TAFA2: variants seen among roughly 807,000 people sequenced by gnomAD.
The protein encoded by TAFA2 is chemokine-like protein TAFA-2.
Under a neutral mutation model 18.8 loss-of-function variants are expected in TAFA2, and 7 were observed. That is an observed-to-expected ratio of 0.37 (90% CI 0.21 to 0.70). The LOEUF is 0.70. TAFA2 is among the 30% of genes least tolerant of loss of function. The pLI, the probability that TAFA2 is intolerant of heterozygous loss-of-function variation, is 0.53. For missense variants in TAFA2, 122 were observed against 158.1 expected, an observed-to-expected ratio of 0.77 and a Z score of 1.23; for synonymous variants, 60 against 54.2, an observed-to-expected ratio of 1.11 and a Z score of -0.47.
intron 1 of TAFA2, among the ~76,000 whole-genome samples, chr12:62,054,636 T>G (rs1045453055): frequency 1.3e-5 from 2 of 152,242 alleles, no homozygotes; most frequent in Admixed American, 1.3e-4. Flanking sequence ...AGTTCATACT[T>G]AATGCTTTGT....
chr12:62,002,466 C>T (rs892500583), intron 1 of TAFA2, among the ~76,000 whole-genome samples: 7 of 152,138 alleles, frequency 4.6e-5, no homozygotes, highest in Non-Finnish European at 1.0e-4. Context: ...CTCTTTGCTT[C>T]TCAAGATAGC....
chr12:61,904,725 G>A (rs779147465), intron 1 of TAFA2, among the ~76,000 whole-genome samples: 14 of 152,102 alleles, frequency 9.2e-5, no homozygotes, highest in Non-Finnish European at 1.5e-4. Flanking sequence ...ATACATATGA[G>A]AGAAAAATTT....
intron 4 of TAFA2, 86 bp downstream of exon 4, chr12:61,753,536 A>G: frequency 1.6e-6 from 2 of 1,247,568 alleles, no homozygotes; most frequent in Non-Finnish European, 2.2e-6. Context: ...CCATTCCACA[A>G]TTGCCACTTA....
chr12:61,860,496 G>T (rs953133617), intron 2 of TAFA2, among the ~76,000 whole-genome samples: 6 of 152,126 alleles, frequency 3.9e-5, no homozygotes, highest in Admixed American at 2.0e-4. Context: ...GGCTAAATTG[G>T]ATCAAACAAT....
At chr12:62,241,690 A>T (rs1014532305) in intron 1 of TAFA2, among the ~76,000 whole-genome samples, 1 of 152,156 alleles carries the variant, frequency 6.6e-6, no homozygotes, top group African/African-American at 2.4e-5. Flanking sequence ...TGGAAATATT[A>T]TAGCTAGCCA....
intron 1 of TAFA2, among the ~76,000 whole-genome samples, chr12:61,975,514 C>CGTGTGTGT (rs3031098): frequency 0.13 from 18,375 of 136,524 alleles, 1,638 homozygotes; most frequent in Non-Finnish European, 0.19. Flanking sequence ...CAATAATATT[C>CGTGTGTGT]GTGTGTGTGT....
chr12:61,879,744 A>G (rs1013794622), intron 1 of TAFA2: 210 of 1,241,996 alleles, frequency 1.7e-4, no homozygotes, highest in Non-Finnish European at 2.3e-4. Context: ...AACATGTTCC[A>G]GAGCTACATC....
At position 61,880,584 on chromosome 12, in the gene TAFA2, G is replaced by A. The variant is rs1052808676; in HGVS notation, c.-1-13158C>T. On this transcript the variant is annotated intron_variant, in intron 1 of 4. Coordinates refer to ENST00000416284, the MANE Select transcript of TAFA2 (RefSeq NM_178539.5). ...TCAAAGACCACCAGTGGCTACGCAG[G>A]AGGGCTGAGCTCGGCCTATGGGGGC... is the stretch of plus-strand genomic sequence containing the variant. 3 of 462,816 alleles carry A rather than the reference G, an allele frequency of 6.5e-6. No individual in the cohort carries two copies. In the Admixed American group the frequency reaches 6.6e-5, roughly 10 times the overall value. 28.7% of individuals were successfully genotyped at this position (462,816 alleles called of 1,614,324 possible). A position where few individuals can be genotyped will look rare whatever the true frequency, so the allele number is the denominator to read the frequency against.
intron 2 of TAFA2, among the ~76,000 whole-genome samples, chr12:61,861,204 C>T (rs1453320177): frequency 2.0e-5 from 3 of 151,286 alleles, no homozygotes; most frequent in South Asian, 2.1e-4. Context: ...CACCGGCTTC[C>T]GCCTCCCTAA....
chr12:61,983,596 C>T (rs566799997), intron 1 of TAFA2, among the ~76,000 whole-genome samples: 19 of 151,948 alleles, frequency 1.3e-4, no homozygotes, highest in Non-Finnish European at 2.5e-4. Flanking sequence ...TTAGTACAGA[C>T]GGGGTTTCAC....
chr12:61,938,863 G>A (rs1877881547), intron 1 of TAFA2, among the ~76,000 whole-genome samples: 1 of 151,976 alleles, frequency 6.6e-6, no homozygotes, highest in Admixed American at 6.6e-5. Flanking sequence ...CTTTTGGTAT[G>A]CAAAGGCATA....
At chr12:61,928,088 G>A (rs550024093) in intron 1 of TAFA2, among the ~76,000 whole-genome samples, 12 of 152,230 alleles carry the variant, frequency 7.9e-5, no homozygotes, top group Admixed American at 1.3e-4. Flanking sequence ...TACCATTCAC[G>A]ACATAGGCAT....
intron 2 of TAFA2, among the ~76,000 whole-genome samples, chr12:61,760,998 AG>A (rs1428178480): frequency 1.3e-5 from 2 of 152,026 alleles, no homozygotes; most frequent in Non-Finnish European, 2.9e-5. Flanking sequence ...CTCATGAAAC[AG>A]GGATACAAAG....
intron 1 of TAFA2, among the ~76,000 whole-genome samples, chr12:61,919,670 T>A (rs1876971855): frequency 6.6e-6 from 1 of 151,236 alleles, no homozygotes; most frequent in Non-Finnish European, 1.5e-5. Context: ...TATATTTTAT[T>A]ATATATTATA....
intron 1 of TAFA2, chr12:62,235,424 T>G (rs2062832425): frequency 9.2e-6 from 6 of 654,964 alleles, no homozygotes; most frequent in Admixed American, 4.8e-5. Context: ...GGGTGCTGAG[T>G]TCTACTTATC....
intron 1 of TAFA2, among the ~76,000 whole-genome samples, chr12:62,223,034 A>G (rs1396455198): frequency 6.6e-6 from 1 of 152,208 alleles, no homozygotes; most frequent in African/African-American, 2.4e-5. Context: ...ATGAAGCAGG[A>G]AACCATGTTC....
intron 4 of TAFA2, among the ~76,000 whole-genome samples, chr12:61,739,404 C>T (rs1298010126): frequency 6.6e-6 from 1 of 151,978 alleles, no homozygotes; most frequent in Admixed American, 6.6e-5. Flanking sequence ...AAAGGCTAAA[C>T]CCTTAGTGAG....
At chr12:62,015,313 A>G (rs1880899044) in intron 1 of TAFA2, among the ~76,000 whole-genome samples, 1 of 152,210 alleles carries the variant, frequency 6.6e-6, no homozygotes, top group Non-Finnish European at 1.5e-5. Flanking sequence ...AAAACATAAC[A>G]GGTACAATAA....
At chr12:62,023,393 G>A (rs9669020) in intron 1 of TAFA2, among the ~76,000 whole-genome samples, 50,669 of 151,604 alleles carry the variant, frequency 0.33, 8,947 homozygotes, top group Non-Finnish European at 0.39. Flanking sequence ...TTTCTTTTGA[G>A]TTCAGATCTA....
Sources: allele counts gnomAD v4.1 joint callset (sites outside exome capture counted in the v4.1 genomes callset), GRCh38; gene constraint gnomAD v4.1.1; transcripts MANE v1.5; gene names NCBI Gene and HGNC (gene_info 2026-07-23, HGNC 2026-07-21).